The following MYH6 variants were observed in gnomAD, a reference collection of about 807,000 sequenced individuals.
MYH6 encodes myosin heavy chain 6.
Under a neutral mutation model 223.2 loss-of-function variants are expected in MYH6, and 126 were observed. The ratio of observed to expected loss-of-function variants is 0.56; its 90% confidence interval spans 0.49 to 0.65. The LOEUF (loss-of-function observed/expected upper bound fraction) is 0.65, where lower values mean the gene tolerates loss of function less well. MYH6 is among the 30% of genes least tolerant of loss of function. The pLI is 0.00. For synonymous variants in MYH6, 978 were observed against 1,010.2 expected, an observed-to-expected ratio of 0.97 and a Z score of 0.61; for missense variants, 2,040 against 2,536.4, an observed-to-expected ratio of 0.80 and a Z score of 4.20.
Position 23,392,915 on chromosome 14 carries a change from T to C in MYH6, c.3248A>G (p.Lys1083Arg). Residue 1083 changes from lysine (K) to arginine (R), a missense_variant, in exon 24 of 39, where the codon AAG becomes AGG. Lys to Arg is a conservative substitution (Grantham distance 26, BLOSUM62 2). This residue lies in a region of MYH6 where 1,203 missense variants were observed against 1,400.2 expected (regional missense o/e 0.86). Transcript: ENST00000405093. ...CCTGGCCACCACAGTCTCCTACTTC[T>C]TAAGCTTTTCTTCCAGCTGCAGTTT... The part of the protein sequence containing the change: ...NDKLQLEEKL[K>R]KKEFDINQQN... The C allele has an allele frequency of 6.2e-7, 1 of 1,613,828 alleles. No individual in the cohort carries two copies. The highest frequency in any genetic ancestry group is 1.1e-5 in the South Asian group (1 of 91,068).
Position 23,390,135 on chromosome 14 carries a change from C to T in MYH6, c.3654G>A (p.Lys1218=). The T allele has an allele frequency of 6.2e-7, 1 of 1,611,866 alleles. No individual in the cohort carries two copies. The highest frequency in any genetic ancestry group is 8.5e-7 in the Non-Finnish European group (1 of 1,179,518). Residue 1218 remains lysine, a synonymous_variant, in exon 26 of 39, where the codon AAG becomes AAA. Transcript: ENST00000405093. ...TGAACTCGCTCTTCTCCTTCTCCAG[C>T]TTCTGCTTCACCCGCTGCAGGTTGT... is the stretch of plus-strand genomic sequence containing the variant. ...QIDNLQRVKQ[K]LEKEKSEFKL... is the part of the protein sequence containing the mutation.
Position 23,394,164 on chromosome 14 carries a change from C to G in MYH6, c.2589G>C (p.Glu863Asp), listed in dbSNP as rs763692915. Residue 863 changes from glutamate (E) to aspartate (D), a missense_variant, in exon 21 of 39, where the codon GAG becomes GAC. By Grantham distance (45) the Glu-to-Asp change is conservative. Coordinates refer to ENST00000405093, the MANE Select transcript of MYH6 (RefSeq NM_002471.4). ...GGCGAGCCTCGGACTTCTCCAGCGT[C>G]TCTTTGATGCGCCCGAACTCTTCCT... ...TMKEEFGRIK[E>D]TLEKSEARRK... 6 of 1,614,116 alleles carry G rather than the reference C, an allele frequency of 3.7e-6. No homozygotes were observed. Among genetic ancestry groups the G allele is most frequent in the Middle Eastern group, 1.6e-4 (1 of 6,084 alleles).
intron 12 of MYH6, among the ~76,000 whole-genome samples, chr14:23,401,256 C>G (rs1891592062): frequency 6.6e-6 from 1 of 152,258 alleles, no homozygotes. Flanking sequence ...ATCCACCTGC[C>G]TTGGCCTCCC....
chr14:23,382,178 G>A, intron 38 of MYH6, 115 bp from the exon 39 acceptor site: 1 of 1,193,802 alleles, frequency 8.4e-7, no homozygotes, highest in East Asian at 2.3e-5. Context: ...GGAGAGGCAG[G>A]GCCCCAGGGA....
rs771913365 is a variant in MYH6, at chr14:23,389,393, C to G, written c.3978G>C (p.Lys1326Asn). The stretch of plus-strand genomic sequence containing the variant: ...GCCCACCCTCCCCACTGGGCCTCAC[C>G]TTGCCCTCCTCCTCCAGCTGCCTTT... ...DLKRQLEEEG[K>N]AKNALAHALQ... Residue 1326 changes from lysine to asparagine, a missense_variant and splice_region_variant, in exon 28 of 39, where the codon AAG becomes AAC. By Grantham distance (94) the Lys-to-Asn change is moderately conservative. Coordinates refer to ENST00000405093, the MANE Select transcript of MYH6 (RefSeq NM_002471.4). The G allele has an allele frequency of 8.1e-6, 13 of 1,614,104 alleles. No individual in the cohort carries two copies. The Admixed American group carries it at 1.8e-4, about 23-fold the overall frequency.
chr14:23,403,245 A>G, intron 10 of MYH6, 103 bp downstream of exon 10: 2 of 970,746 alleles, frequency 2.1e-6, no homozygotes, highest in South Asian at 2.6e-5. Flanking sequence ...GTGAGCAGCA[A>G]GGTGGGGCAC....
At chr14:23,400,631 G>T in intron 13 of MYH6, 78 bp downstream of exon 13, 2 of 1,610,196 alleles carry the variant, frequency 1.2e-6, no homozygotes, top group Non-Finnish European at 1.7e-6. Flanking sequence ...CTGGTCCACA[G>T]CTGGCTCTCA....
At position 23,387,764 on chromosome 14, in the gene MYH6, G is replaced by A. The variant is rs1891078282; in HGVS notation, c.4519C>T (p.Leu1507Phe). ...TCTTGGACCCCCAGCACACCCTGAAGGTTCTTGTTCTCCCGCTTGAAGGTC... is the reference window on the plus strand; with the variant it reads ...TCTTGGACCCCCAGCACACCCTGAAAGTTCTTGTTCTCCCGCTTGAAGGTC... ...LETFKRENKN[L>F]QEEISDLTEQ... Residue 1507 changes from leucine (L) to phenylalanine (F), a missense_variant, in exon 31 of 39, where the codon CTT becomes TTT. Physicochemically the swap from Leu to Phe is conservative, Grantham distance 22. This residue lies in a region of MYH6 where 1,203 missense variants were observed against 1,400.2 expected (regional missense o/e 0.86). Coordinates refer to ENST00000405093, the MANE Select transcript of MYH6 (RefSeq NM_002471.4). 6.2e-7 allele frequency: 1 copy of A among 1,613,922 alleles called. No homozygotes were observed. Among genetic ancestry groups the A allele is most frequent in the Non-Finnish European group, 8.5e-7 (1 of 1,180,010 alleles).
At chr14:23,387,097 C>A (rs914320016) in intron 32 of MYH6, among the ~76,000 whole-genome samples, 1 of 152,114 alleles carries the variant, frequency 6.6e-6, no homozygotes, top group African/African-American at 2.4e-5. Context: ...TTATAATAAT[C>A]ATGTGTAAAA....
rs72686223 is a variant in MYH6 at position 23,393,145 on chromosome 14, G to A, written c.3106-88C>T. On this transcript the variant is annotated intron_variant, in intron 23 of 38. Coordinates refer to ENST00000405093, the MANE Select transcript of MYH6 (RefSeq NM_002471.4). ...TGCCTCCTTCTAAACTTGAAGTCCA[G>A]TGGGATTGGAAGTCAAACCAACAGA... 5.7e-3 allele frequency: 8,923 copies of A among 1,569,794 alleles called. 32 individuals are homozygous for A. Among genetic ancestry groups the A allele is most frequent in the Non-Finnish European group, 6.9e-3 (7,902 of 1,144,244 alleles).
rs748120842 is a variant in MYH6, at chr14:23,396,444, C to G, written c.2293-24G>C. ...ACCTGCAGGCAAGGGGTAGATGCAACAGGCCGCAGCCTCAGAGGGGAGTAT... is the reference window on the plus strand; with the variant it reads ...ACCTGCAGGCAAGGGGTAGATGCAAGAGGCCGCAGCCTCAGAGGGGAGTAT... On this transcript the variant is annotated intron_variant, in intron 19 of 38. Coordinates refer to ENST00000405093, the MANE Select transcript of MYH6 (RefSeq NM_002471.4). 13 of 1,612,444 alleles carry G rather than the reference C, an allele frequency of 8.1e-6. No individual in the cohort carries two copies. The South Asian group carries it at 1.3e-4, about 16-fold the overall frequency.
At chr14:23,397,725 T>A in intron 15 of MYH6, 112 bp from the exon 16 acceptor site, 1 of 1,088,382 alleles carries the variant, frequency 9.2e-7, no homozygotes, top group Non-Finnish European at 1.4e-6. Context: ...GGCAAGGAAT[T>A]CTCCAAGATT....
intron 29 of MYH6, 147 bp from the exon 30 acceptor site, chr14:23,388,485 C>T (rs768169745): frequency 3.8e-6 from 5 of 1,308,772 alleles, no homozygotes; most frequent in Admixed American, 3.4e-5. Context: ...ATGCCTGGAA[C>T]AGAGTCCGCC....
chr14:23,389,315 C>T (rs1477710059), intron 28 of MYH6, 78 bp downstream of exon 28: 11 of 1,509,628 alleles, frequency 7.3e-6, no homozygotes, highest in African/African-American at 5.5e-5. Context: ...TTTCCAGCTC[C>T]AGGCTCCATT....
chr14:23,390,188 TGTC>T lies in MYH6; in HGVS notation c.3598_3600del (p.Asp1200del). The T allele has an allele frequency of 6.2e-7, 1 of 1,606,968 alleles. No homozygotes were observed. Among genetic ancestry groups the T allele is most frequent in the Non-Finnish European group, 8.5e-7 (1 of 1,175,866 alleles). On this transcript the variant is annotated inframe_deletion, in exon 26 of 39. Transcript: ENST00000405093. ...ATCTGCTCGCCCAGCTCGGCCACGC[TGTC>T]GGCGTGCTTCTTGCGCAGGGCCGCG...
intron 32 of MYH6, among the ~76,000 whole-genome samples, chr14:23,387,085 C>A (rs1198843506): frequency 1.3e-5 from 2 of 152,100 alleles, no homozygotes; most frequent in African/African-American, 4.8e-5. Context: ...CTCATTTAAT[C>A]TTTATAATAA....
Position 23,405,486 on chromosome 14 carries a change from C to T in MYH6, c.346-107G>A. ...TTCACTCCAGCTGGCTCTACTCCTC[C>T]TGCAGCTGACTAGGGGTGGAGGGGG... is the stretch of plus-strand genomic sequence containing the variant. On this transcript the variant is annotated intron_variant, in intron 4 of 38. Coordinates refer to ENST00000405093, the MANE Select transcript of MYH6 (RefSeq NM_002471.4). This position sits in a 1 kb window ranked among gnomAD's most constrained non-coding sequence, Gnocchi z 4.7. 1 of 1,598,772 alleles carries T rather than the reference C, an allele frequency of 6.3e-7. No individual in the cohort carries two copies. The highest frequency in any genetic ancestry group is 1.7e-5 in the Admixed American group (1 of 58,814).
chr14:23,405,566 CT>C lies in MYH6; in HGVS notation c.345+60del. On this transcript the variant is annotated intron_variant, in intron 4 of 38. Transcript: ENST00000405093. The surrounding 1 kb of genome is among the most constrained non-coding windows in gnomAD (Gnocchi z 4.7). Reference sequence around the variant, plus strand: ...TCCCCCTCTTCTTGGGAGAGCCCCCCTGGCTTATTTAGGCCTCCACGCAGCA... The same window carrying C: ...TCCCCCTCTTCTTGGGAGAGCCCCCCGGCTTATTTAGGCCTCCACGCAGCA... 1 of 1,612,192 alleles carries C rather than the reference CT, an allele frequency of 6.2e-7. No individual in the cohort carries two copies. The highest frequency in any genetic ancestry group is 8.5e-7 in the Non-Finnish European group (1 of 1,179,060).
chr14:23,385,366 C>A lies in MYH6; in HGVS notation c.5164-325G>T, dbSNP rs116547504. On this transcript the variant is annotated intron_variant, in intron 34 of 38. Transcript: ENST00000405093. ...AGATGGAAACAACTTTTTACCAGGACAATATTCCAGAGATGTTTATAGCTA... is the reference window on the plus strand; with the variant it reads ...AGATGGAAACAACTTTTTACCAGGAAAATATTCCAGAGATGTTTATAGCTA... Among the ~76,000 whole-genome samples the A allele has an allele frequency of 7.3e-3, 1,108 of 151,128 alleles. 14 individuals are homozygous for A. The highest frequency in any genetic ancestry group is 0.025 in the African/African-American group (1,039 of 41,018).
Sources: gnomAD v4.1 joint callset for allele counts (sites outside exome capture counted in the v4.1 genomes callset) on GRCh38, gnomAD v4.1.1 for gene constraint, gnomAD v4.1.1 regional missense constraint, Gnocchi (gnomAD v3.1) non-coding constraint, MANE v1.5 for transcripts, NCBI Gene and HGNC (gene_info 2026-07-23, HGNC 2026-07-21) for gene names.